STAC: variants seen among roughly 807,000 people sequenced by gnomAD.
The protein encoded by STAC is SH3 and cysteine rich domain, also known as SH3 and cysteine-rich domain-containing protein.
In STAC, 43 loss-of-function variants were observed where a neutral mutation model predicts 48.8. The ratio of observed to expected loss-of-function variants is 0.88; its 90% CI spans 0.69 to 1.14. The LOEUF is 1.14. STAC is among the 50% of genes most tolerant of loss of function. The pLI, the probability that STAC is intolerant of heterozygous loss-of-function variation, is 0.00. For synonymous variants in STAC, 193 were observed against 179.5 expected, an observed-to-expected ratio of 1.07 and a Z score of -0.60; for missense variants, 497 against 504.0, an observed-to-expected ratio of 0.99 and a Z score of 0.13.
chr3:36,524,671 G>A (rs533962226), intron 8 of STAC, among the ~76,000 whole-genome samples: 1 of 152,114 alleles, frequency 6.6e-6, no homozygotes, highest in Non-Finnish European at 1.5e-5. Flanking sequence ...CATCTTGCAT[G>A]CCTACTCAGA....
chr3:36,419,516 G>T (rs560421026), intron 1 of STAC, among the ~76,000 whole-genome samples: 8 of 152,280 alleles, frequency 5.3e-5, no homozygotes, highest in African/African-American at 1.9e-4. Flanking sequence ...ACACAATGGG[G>T]TAAAGATGGT....
At chr3:36,384,618 T>C (rs1699578263) in intron 1 of STAC, among the ~76,000 whole-genome samples, 1 of 152,186 alleles carries the variant, frequency 6.6e-6, no homozygotes, top group Non-Finnish European at 1.5e-5. Context: ...TGAGTTTACC[T>C]CTTTGGGCTT....
intron 1 of STAC, among the ~76,000 whole-genome samples, chr3:36,438,772 C>G (rs1333901902): frequency 1.3e-5 from 2 of 152,008 alleles, no homozygotes; most frequent in Non-Finnish European, 2.9e-5. Flanking sequence ...CCACATATGA[C>G]GAAGGGTTTG....
chr3:36,546,161 A>AT (rs1559533492), intron 10 of STAC, 30 bp from the exon 11 acceptor site: 2 of 1,590,774 alleles, frequency 1.3e-6, no homozygotes, highest in Non-Finnish European at 1.7e-6. Flanking sequence ...ACAGTAAAGT[A>AT]TTTTGTTTTT....
At chr3:36,384,122 G>A (rs1477847237) in intron 1 of STAC, among the ~76,000 whole-genome samples, 1 of 152,098 alleles carries the variant, frequency 6.6e-6, no homozygotes, top group East Asian at 1.9e-4. Context: ...GCTTGACAGA[G>A]ACCATTGAAT....
intron 5 of STAC, 81 bp downstream of exon 5, chr3:36,486,330 C>A: frequency 1.6e-6 from 2 of 1,213,024 alleles, no homozygotes; most frequent in Non-Finnish European, 2.3e-6. Flanking sequence ...ATGGGGTATT[C>A]CACCTGACTG....
chr3:36,388,375 T>C (rs1002546576), intron 1 of STAC, among the ~76,000 whole-genome samples: 1 of 152,106 alleles, frequency 6.6e-6, no homozygotes, highest in Non-Finnish European at 1.5e-5. Flanking sequence ...AAAAATTATT[T>C]ATAAATATTA....
At chr3:36,419,233 T>C (rs1700392507) in intron 1 of STAC, among the ~76,000 whole-genome samples, 1 of 152,168 alleles carries the variant, frequency 6.6e-6, no homozygotes, top group South Asian at 2.1e-4. Context: ...GCCCTCCTCT[T>C]TCTCAGCATT....
chr3:36,518,519 C>T lies in STAC; in HGVS notation c.921-10177C>T, dbSNP rs567086718. On this transcript the variant is annotated intron_variant, in intron 8 of 10. Transcript: ENST00000273183. ...TAAAATAAATACAAATTAATTACTA[C>T]TTCAATGTATGTCAGAACACCTAAA... Among the ~76,000 whole-genome samples, 3 of 152,278 alleles carry T rather than the reference C, an allele frequency of 2.0e-5. No homozygotes were observed. The East Asian group carries it at 5.8e-4, about 29-fold the overall frequency.
chr3:36,458,061 GGA>G (rs1182294136), intron 2 of STAC, among the ~76,000 whole-genome samples: 1 of 152,180 alleles, frequency 6.6e-6, no homozygotes, highest in East Asian at 1.9e-4. Flanking sequence ...AGTAGAGCAA[GGA>G]GTGGGGAACA....
At chr3:36,493,062 C>A in intron 5 of STAC, 89 bp from the exon 6 acceptor site, 1 of 1,275,642 alleles carries the variant, frequency 7.8e-7, no homozygotes, top group Non-Finnish European at 1.1e-6. Context: ...CATGCAAATT[C>A]TACCTAAGCT....
intron 10 of STAC, among the ~76,000 whole-genome samples, chr3:36,537,678 C>T (rs1699231160): frequency 6.6e-6 from 1 of 151,994 alleles, no homozygotes; most frequent in Non-Finnish European, 1.5e-5. Context: ...AACAAACCTG[C>T]ACATCCTGCA....
chr3:36,535,154 A>G (rs1005310248), intron 10 of STAC, among the ~76,000 whole-genome samples: 1 of 152,112 alleles, frequency 6.6e-6, no homozygotes, highest in Non-Finnish European at 1.5e-5. Flanking sequence ...TTCCTTGAGC[A>G]GTGGTTTGTA....
intron 8 of STAC, among the ~76,000 whole-genome samples, chr3:36,511,460 AG>A (rs1698535702): frequency 6.6e-6 from 1 of 152,216 alleles, no homozygotes; most frequent in African/African-American, 2.4e-5. Context: ...ATCTCATGAC[AG>A]GGGTCTCTGT....
intron 1 of STAC, among the ~76,000 whole-genome samples, chr3:36,442,579 T>C (rs60818596): frequency 6.6e-6 from 1 of 152,148 alleles, no homozygotes; most frequent in Non-Finnish European, 1.5e-5. Context: ...TCAAACCCAG[T>C]CCTGCCAGAA....
At chr3:36,412,048 T>C (rs1344593761) in intron 1 of STAC, among the ~76,000 whole-genome samples, 2 of 152,226 alleles carry the variant, frequency 1.3e-5, no homozygotes, top group Non-Finnish European at 2.9e-5. Context: ...CAGAAAAACC[T>C]AACTTACAAT....
chr3:36,528,615 G>A (rs955271894), intron 8 of STAC, 81 bp from the exon 9 acceptor site: 3 of 1,137,016 alleles, frequency 2.6e-6, no homozygotes, highest in Non-Finnish European at 3.7e-6. Flanking sequence ...TTGTGTAAAT[G>A]AGAAATGATT....
chr3:36,381,425 CAT>C (rs1575165536), intron 1 of STAC, among the ~76,000 whole-genome samples: 2 of 152,352 alleles, frequency 1.3e-5, no homozygotes, highest in East Asian at 3.9e-4. Context: ...GTGCCAGGCA[CAT>C]GTTTGAAAAT....
Position 36,512,517 on chromosome 3 carries a change from T to C in STAC, c.920+6683T>C, listed in dbSNP as rs565997610. 4.2e-4 allele frequency among the ~76,000 whole-genome samples: 64 copies of C among 152,244 alleles called. No homozygotes were observed. The South Asian group carries it at 0.013, about 32-fold the overall frequency. ...CTACAGCTTTATATTAGAAGATTAT[T>C]CTGAAGTCATAACATTTTTTTAAAA... is the stretch of plus-strand genomic sequence containing the variant. On this transcript the variant is annotated intron_variant, in intron 8 of 10. Coordinates refer to ENST00000273183, the MANE Select transcript of STAC (RefSeq NM_003149.3).
Sources: allele counts gnomAD v4.1 joint callset (sites outside exome capture counted in the v4.1 genomes callset), GRCh38; gene constraint gnomAD v4.1.1; transcripts MANE v1.5; gene names NCBI Gene and HGNC (gene_info 2026-07-23, HGNC 2026-07-21).